The following AGBL1 variants were observed in gnomAD, a reference collection of about 807,000 sequenced individuals.
AGBL1 encodes AGBL carboxypeptidase 1.
In AGBL1, 130 loss-of-function variants were observed where a neutral mutation model predicts 118.9. That is an observed-to-expected ratio of 1.09 (90% CI 0.95 to 1.26). AGBL1 has a LOEUF of 1.26. AGBL1 is among the 50% of genes most tolerant of loss of function. AGBL1 has a pLI of 0.00. For synonymous variants in AGBL1, 555 were observed against 478.9 expected (o/e 1.16, Z -2.08); for missense variants, 1,584 against 1,298.1 (o/e 1.22, Z -3.38).
chr15:86,577,770 G>A (rs145249622), intron 21 of AGBL1, among the ~76,000 whole-genome samples: 4,210 of 152,288 alleles, frequency 0.028, 216 homozygotes, highest in African/African-American at 0.097. Flanking sequence ...GCTTCAGAGG[G>A]TGCAAGCCCC....
intron 5 of AGBL1, among the ~76,000 whole-genome samples, chr15:86,217,336 G>C (rs1044016978): frequency 3.9e-5 from 6 of 152,136 alleles, no homozygotes; most frequent in African/African-American, 1.4e-4. Context: ...CCAGTGCCTA[G>C]CTTTTGAAAA....
Position 86,211,586 on chromosome 15 carries a change from C to T in AGBL1, c.489-13328C>T, listed in dbSNP as rs8039973. On this transcript the variant is annotated intron_variant, in intron 5 of 22. Coordinates refer to ENST00000614907, the MANE Select transcript of AGBL1 (RefSeq NM_001386094.1). ...CCTGCAAGGCTGCTACCTCACAGGT[C>T]GATCTCAGACTGCTGTGCTAGCAGT... is the stretch of plus-strand genomic sequence containing the variant. Among the ~76,000 whole-genome samples, 800 of 152,270 alleles carry T rather than the reference C, an allele frequency of 5.3e-3. 5 individuals carry two copies. Among genetic ancestry groups the T allele is most frequent in the African/African-American group, 0.017 (705 of 41,562 alleles).
At chr15:86,654,704 T>C (rs9920829) in intron 21 of AGBL1, among the ~76,000 whole-genome samples, 4,878 of 152,224 alleles carry the variant, frequency 0.032, 253 homozygotes, top group African/African-American at 0.11. Flanking sequence ...GTGTCACCGA[T>C]GCTCTCCTTG....
chr15:86,324,088 T>C (rs1031761822), intron 17 of AGBL1, among the ~76,000 whole-genome samples: 2 of 152,220 alleles, frequency 1.3e-5, no homozygotes, highest in Admixed American at 1.3e-4. Context: ...CAGCCATTTA[T>C]TTGCTAATTT....
At chr15:86,577,858 C>G (rs2084115701) in intron 21 of AGBL1, among the ~76,000 whole-genome samples, 1 of 152,126 alleles carries the variant, frequency 6.6e-6, no homozygotes, top group Admixed American at 6.5e-5. Flanking sequence ...GAACCTCCGC[C>G]TAGATTTCAG....
chr15:86,231,799 G>A (rs2078459647), intron 6 of AGBL1, among the ~76,000 whole-genome samples: 1 of 152,230 alleles, frequency 6.6e-6, no homozygotes, highest in Non-Finnish European at 1.5e-5. Context: ...GGAAATTAAT[G>A]AGGCTAGGTT....
At chr15:86,520,472 C>G (rs1029186867) in intron 18 of AGBL1, among the ~76,000 whole-genome samples, 2 of 152,050 alleles carry the variant, frequency 1.3e-5, no homozygotes, top group Non-Finnish European at 2.9e-5. Context: ...CAGCACAAAA[C>G]TTTATTTTTT....
chr15:86,748,571 A>T (rs1413183343), intron 22 of AGBL1, among the ~76,000 whole-genome samples: 4 of 105,856 alleles, frequency 3.8e-5, no homozygotes, highest in Non-Finnish European at 7.1e-5. Flanking sequence ...TGTTTTAGAG[A>T]TGAAGTCCTT....
At chr15:86,579,861 G>A (rs1413331531) in intron 21 of AGBL1, among the ~76,000 whole-genome samples, 1 of 152,178 alleles carries the variant, frequency 6.6e-6, no homozygotes, top group African/African-American at 2.4e-5. Flanking sequence ...TTGAGGTGGT[G>A]AGGGAGGAAG....
intron 19 of AGBL1, among the ~76,000 whole-genome samples, chr15:86,532,607 C>A (rs1038231211): frequency 1.6e-4 from 24 of 146,778 alleles, no homozygotes; most frequent in African/African-American, 5.3e-4. Context: ...TTGGAAAAAA[C>A]TACTTTAAAG....
Position 86,940,100 on chromosome 15 carries a change from G to T in AGBL1, c.3222-47887G>T, listed in dbSNP as rs139934634. On this transcript the variant is annotated intron_variant, in intron 23 of 24. Coordinates refer to the AGBL1 transcript ENST00000441037. Reference sequence around the variant, plus strand: ...TTTTTTTTTTTTTTGGTAGAGACGGGGTTTCTCTGTGTTGCTCAGCCTGGG... The same window carrying T: ...TTTTTTTTTTTTTTGGTAGAGACGGTGTTTCTCTGTGTTGCTCAGCCTGGG... 1.1e-3 allele frequency among the ~76,000 whole-genome samples: 152 copies of T among 135,374 alleles called. 6 individuals carry two copies. The East Asian group carries it at 0.029, about 25-fold the overall frequency. The allele number at this position is 135,374 out of a possible 152,430, so 88.8% of individuals were successfully genotyped here.
At chr15:86,569,684 T>A (rs978271945) in intron 21 of AGBL1, among the ~76,000 whole-genome samples, 1 of 152,218 alleles carries the variant, frequency 6.6e-6, no homozygotes, top group Admixed American at 6.5e-5. Flanking sequence ...TCTGTCAGCA[T>A]CATGATAGAA....
intron 13 of AGBL1, among the ~76,000 whole-genome samples, chr15:86,268,528 G>C (rs1003218028): frequency 4.6e-5 from 7 of 152,186 alleles, no homozygotes; most frequent in African/African-American, 9.7e-5. Flanking sequence ...CCTTGGACCA[G>C]AGTCTAAAAT....
chr15:86,740,194 CT>C (rs1312497169), intron 22 of AGBL1, among the ~76,000 whole-genome samples: 2 of 152,174 alleles, frequency 1.3e-5, no homozygotes, highest in Non-Finnish European at 2.9e-5. Context: ...AGTTTTGTCT[CT>C]TTTGTTGTAA....
chr15:86,492,999 C>T (rs539471220), intron 18 of AGBL1, among the ~76,000 whole-genome samples: 6 of 152,050 alleles, frequency 3.9e-5, no homozygotes, highest in South Asian at 2.1e-4. Flanking sequence ...CCATCCTGGC[C>T]GAAGGCCAAC....
chr15:86,223,195 T>G (rs1314800178), intron 5 of AGBL1, among the ~76,000 whole-genome samples: 1 of 152,146 alleles, frequency 6.6e-6, no homozygotes, highest in African/African-American at 2.4e-5. Context: ...ATAAAACCAT[T>G]ATCTAATGGA....
intron 24 of AGBL1, among the ~76,000 whole-genome samples, chr15:86,989,832 T>A (rs182151920): frequency 2.0e-5 from 3 of 152,206 alleles, no homozygotes; most frequent in African/African-American, 7.2e-5. Flanking sequence ...ATGAGCTATA[T>A]GGACACATGC....
intron 22 of AGBL1, among the ~76,000 whole-genome samples, chr15:86,711,050 T>G (rs2086547371): frequency 6.6e-6 from 1 of 152,194 alleles, no homozygotes; most frequent in African/African-American, 2.4e-5. Flanking sequence ...ACAAGGTGAC[T>G]TCCCCTGATC....
downstream of AGBL1, among the ~76,000 whole-genome samples, chr15:86,920,780 G>C (rs887198344): frequency 6.6e-6 from 1 of 152,122 alleles, no homozygotes; most frequent in Non-Finnish European, 1.5e-5. Flanking sequence ...ATTTGAACTC[G>C]ACAAGTACAG....
Sources: gnomAD v4.1 joint callset for allele counts (sites outside exome capture counted in the v4.1 genomes callset) on GRCh38, gnomAD v4.1.1 for gene constraint, MANE v1.5 for transcripts, NCBI Gene and HGNC (gene_info 2026-07-23, HGNC 2026-07-21) for gene names.